CDH23: variants seen among roughly 807,000 people sequenced by gnomAD.
CDH23 encodes the protein cadherin-23.
CDH23 carries 189 observed loss-of-function variants against 317.1 expected under a neutral mutation model. The ratio of observed to expected loss-of-function variants is 0.60; its 90% confidence interval spans 0.53 to 0.67. The LOEUF is 0.67. Ranked by LOEUF, CDH23 falls within the 30% of genes least tolerant of loss-of-function variation. The probability of loss-of-function intolerance (pLI) is 0.00; values close to 1 mark genes in which losing one functional copy is unlikely to be tolerated. For synonymous variants in CDH23, 1,839 were observed against 1,876.8 expected, an observed-to-expected ratio of 0.98 and a Z score of 0.52; for missense variants, 4,401 against 4,592.4, an observed-to-expected ratio of 0.96 and a Z score of 1.20.
intron 62 of CDH23, 140 bp downstream of exon 62, chr10:71,810,709 C>G: frequency 2.6e-6 from 2 of 763,554 alleles, no homozygotes; most frequent in East Asian, 5.4e-5. Context: ...CAGACTGGGG[C>G]AGGGCTAGGA....
At position 71,577,974 on chromosome 10, in the gene CDH23, G is replaced by A. The variant is rs776231819; in HGVS notation, c.814G>A (p.Gly272Ser). The change falls in exon 9 of 70, where the codon GGC (glycine) becomes AGC (serine). Residue 272 changes from glycine (G) to serine (S), a missense_variant. Around this residue, in one of 3 missense-constraint regions of CDH23, gnomAD observed 3,068 missense variants for 3,203.3 expected, o/e 0.96. Transcript: ENST00000224721. ...DQDKGRPRGI[G>S]YTIVSGNTNS... The stretch of plus-strand genomic sequence containing the variant: ...GGATAAAGGACGTCCCCGGGGCATT[G>A]GCTACACCATCGTTTCAGGTAAGAC... 3.7e-6 allele frequency: 6 copies of A among 1,602,544 alleles called. No individual in the cohort carries two copies. In the East Asian group the frequency reaches 9.0e-5, roughly 24 times the overall value.
chr10:71,765,016 T>C (rs1840498369), intron 38 of CDH23, among the ~76,000 whole-genome samples: 1 of 152,098 alleles, frequency 6.6e-6, no homozygotes, highest in Non-Finnish European at 1.5e-5. Flanking sequence ...CACACCTGAG[T>C]GGGGTGGGTG....
intron 6 of CDH23, among the ~76,000 whole-genome samples, chr10:71,529,088 C>T (rs1001148257): frequency 2.0e-5 from 3 of 152,168 alleles, no homozygotes; most frequent in African/African-American, 7.2e-5. Flanking sequence ...TTTTCTCAGC[C>T]GTATTTTAAC....
intron 6 of CDH23, among the ~76,000 whole-genome samples, chr10:71,515,967 G>T (rs1854313684): frequency 1.3e-5 from 2 of 152,206 alleles, no homozygotes; most frequent in South Asian, 4.1e-4. Context: ...TTTGTTTGGG[G>T]CCTTAGAGGC....
chr10:71,672,176 A>G (rs1864175831), intron 14 of CDH23, among the ~76,000 whole-genome samples: 1 of 152,036 alleles, frequency 6.6e-6, no homozygotes, highest in Admixed American at 6.6e-5. Context: ...GGTGTGAGCT[A>G]GGCAGGAGAG....
intron 1 of CDH23, among the ~76,000 whole-genome samples, chr10:71,403,620 G>A (rs1279822656): frequency 6.7e-6 from 1 of 150,012 alleles, no homozygotes; most frequent in Non-Finnish European, 1.5e-5. Context: ...GGATTCAAGT[G>A]ATTCTCCTGC....
intron 11 of CDH23, among the ~76,000 whole-genome samples, chr10:71,628,536 TCG>T (rs1442168443): frequency 2.0e-5 from 3 of 152,048 alleles, no homozygotes; most frequent in Admixed American, 2.0e-4. Flanking sequence ...TCTTGCTCTG[TCG>T]CCCATGCTGG....
intron 38 of CDH23, chr10:71,755,134 C>G: frequency 1.5e-6 from 1 of 655,356 alleles, no homozygotes; most frequent in Non-Finnish European, 2.8e-6. Context: ...GCCAGCACTG[C>G]CTGGGAGCCA....
intron 38 of CDH23, chr10:71,760,708 A>T: frequency 1.5e-6 from 1 of 683,964 alleles, no homozygotes; most frequent in Non-Finnish European, 2.6e-6. Flanking sequence ...GATTGCACCA[A>T]GGAGGAAGCA....
chr10:71,756,078 G>GA (rs1326155079), intron 38 of CDH23, among the ~76,000 whole-genome samples: 1 of 152,160 alleles, frequency 6.6e-6, no homozygotes, highest in Non-Finnish European at 1.5e-5. Flanking sequence ...AGTCACAGGA[G>GA]AAACACCCGG....
intron 11 of CDH23, among the ~76,000 whole-genome samples, chr10:71,633,630 G>T (rs1035215152): frequency 1.3e-5 from 2 of 152,156 alleles, no homozygotes; most frequent in African/African-American, 4.8e-5. Context: ...CCAAGACCGG[G>T]CAGCTCCCTT....
At chr10:71,679,171 G>C (rs1380051763) in intron 16 of CDH23, among the ~76,000 whole-genome samples, 2 of 152,156 alleles carry the variant, frequency 1.3e-5, no homozygotes, top group Non-Finnish European at 2.9e-5. Flanking sequence ...GCACATGGAG[G>C]GGAGCAGGGC....
chr10:71,562,437 C>T (rs1458384352), intron 6 of CDH23, among the ~76,000 whole-genome samples: 1 of 152,200 alleles, frequency 6.6e-6, no homozygotes, highest in Non-Finnish European at 1.5e-5. Context: ...CTTCCAGCCT[C>T]GGGTGGCGGG....
chr10:71,450,607 C>T (rs972481931), intron 3 of CDH23, among the ~76,000 whole-genome samples: 1 of 152,170 alleles, frequency 6.6e-6, no homozygotes, highest in Non-Finnish European at 1.5e-5. Context: ...TTGCTGATGT[C>T]GAGATCACCA....
chr10:71,447,869 A>G (rs1850246868), intron 3 of CDH23, among the ~76,000 whole-genome samples: 1 of 152,218 alleles, frequency 6.6e-6, no homozygotes. Flanking sequence ...CTCTCCACCC[A>G]GACCTGGGGT....
intron 55 of CDH23, 53 bp downstream of exon 55, chr10:71,803,473 T>G: frequency 6.7e-7 from 1 of 1,489,592 alleles, no homozygotes; most frequent in Non-Finnish European, 9.2e-7. Context: ...CTTCCAGCTG[T>G]GGCCTAGAAG....
At chr10:71,783,800 A>G (rs1359362001) in intron 41 of CDH23, among the ~76,000 whole-genome samples, 1 of 152,146 alleles carries the variant, frequency 6.6e-6, no homozygotes, top group African/African-American at 2.4e-5. Context: ...GTGCCTGCGC[A>G]TTCACCATTA....
intron 6 of CDH23, among the ~76,000 whole-genome samples, chr10:71,516,987 T>C (rs960852863): frequency 2.0e-5 from 3 of 152,228 alleles, no homozygotes; most frequent in African/African-American, 2.4e-5. Flanking sequence ...AAGCAAGGAC[T>C]GAGCTTGGTC....
At chr10:71,781,045 T>C (rs973835646) in intron 41 of CDH23, among the ~76,000 whole-genome samples, 3 of 151,924 alleles carry the variant, frequency 2.0e-5, no homozygotes, top group Admixed American at 2.0e-4. Flanking sequence ...GAGGGTCGGT[T>C]CGAGATACCA....
Sources: gnomAD v4.1 joint callset for allele counts (sites outside exome capture counted in the v4.1 genomes callset) on GRCh38, gnomAD v4.1.1 for gene constraint, gnomAD v4.1.1 regional missense constraint, MANE v1.5 for transcripts, NCBI Gene and HGNC (gene_info 2026-07-23, HGNC 2026-07-21) for gene names.